Variants in PCDHGB2 observed in about 807,000 individuals in gnomAD.
PCDHGB2 encodes protocadherin gamma subfamily B, 2.
Under a neutral mutation model 59.3 loss-of-function variants are expected in PCDHGB2, and 55 were observed. The ratio of observed to expected loss-of-function variants is 0.93; its 90% CI spans 0.75 to 1.16. PCDHGB2 has a LOEUF of 1.16. Among genes scored for constraint, PCDHGB2 ranks in the 50% most tolerant of loss-of-function variants. The pLI is 0.00. For synonymous variants in PCDHGB2, 516 were observed against 512.0 expected (o/e 1.01, Z -0.11); for missense variants, 1,228 against 1,198.5 (o/e 1.02, Z -0.36).
intron 1 of PCDHGB2, among the ~76,000 whole-genome samples, chr5:141,425,133 A>T (rs1311425564): frequency 6.6e-6 from 1 of 152,200 alleles, no homozygotes; most frequent in Non-Finnish European, 1.5e-5. Flanking sequence ...GTCAAGAAAA[A>T]TGTTCAGGTA....
intron 1 of PCDHGB2, chr5:141,404,458 C>A: frequency 6.2e-7 from 1 of 1,612,914 alleles, no homozygotes; most frequent in East Asian, 2.2e-5. Context: ...CTCCTCTCTC[C>A]ACCTATGTCT....
chr5:141,414,550 G>C, intron 1 of PCDHGB2: 1 of 1,613,948 alleles, frequency 6.2e-7, no homozygotes, highest in Non-Finnish European at 8.5e-7. Context: ...CTTCTCTCAA[G>C]TCTCCTACTT....
chr5:141,365,580 A>G, intron 1 of PCDHGB2: 1 of 1,613,742 alleles, frequency 6.2e-7, no homozygotes, highest in South Asian at 1.1e-5. Flanking sequence ...GAGACTTCAG[A>G]TTATAATATC....
rs148558897 is a variant in PCDHGB2, at chr5:141,489,890, G to A, written c.2422-4917G>A. On this transcript the variant is annotated intron_variant, in intron 1 of 3. Coordinates refer to ENST00000522605, the MANE Select transcript of PCDHGB2 (RefSeq NM_018923.3). The surrounding 1 kb of genome is among the most constrained non-coding windows in gnomAD (Gnocchi z 4.5). Reference sequence around the variant, plus strand: ...CAGCTGGTGCTTACTGCTGTGGATGGGGGGACCCCAGCCCGCTCAGGGACC... The same window carrying A: ...CAGCTGGTGCTTACTGCTGTGGATGAGGGGACCCCAGCCCGCTCAGGGACC... 6.2e-7 allele frequency: 1 copy of A among 1,614,198 alleles called. No homozygotes were observed. The highest frequency in any genetic ancestry group is 8.5e-7 in the Non-Finnish European group (1 of 1,180,028).
chr5:141,389,488 A>G (rs1405287897), intron 1 of PCDHGB2: 2 of 1,612,912 alleles, frequency 1.2e-6, no homozygotes, highest in Non-Finnish European at 1.7e-6. Flanking sequence ...GCCCGCGACC[A>G]GGGCTCGCCA....
intron 1 of PCDHGB2, among the ~76,000 whole-genome samples, chr5:141,467,211 C>G (rs1288732759): frequency 6.6e-6 from 1 of 152,068 alleles, no homozygotes; most frequent in Non-Finnish European, 1.5e-5. Context: ...TGCCACCATG[C>G]CTGGCTAATT....
chr5:141,405,345 A>C (rs758657243), intron 1 of PCDHGB2: 2 of 1,613,944 alleles, frequency 1.2e-6, no homozygotes, highest in Middle Eastern at 1.6e-4. Context: ...GTTGATTCCA[A>C]GTTTCCTATA....
At chr5:141,418,828 C>G in intron 1 of PCDHGB2, 1 of 1,613,978 alleles carries the variant, frequency 6.2e-7, no homozygotes, top group Non-Finnish European at 8.5e-7. Flanking sequence ...AAGCAAAAGA[C>G]CGAGGATCTC....
At position 141,490,328 on chromosome 5, in the gene PCDHGB2, C is replaced by T; in HGVS notation, c.2422-4479C>T. 2 of 1,614,228 alleles carry T rather than the reference C, an allele frequency of 1.2e-6. No homozygotes were observed. Among genetic ancestry groups the T allele is most frequent in the Non-Finnish European group, 1.7e-6 (2 of 1,180,048 alleles). Reference sequence around the variant, plus strand: ...TTGGCCAACCCTGTCCTAGAGAGCACACCAGTGGGCACAGTAGTGGGGTTG... The same window carrying T: ...TTGGCCAACCCTGTCCTAGAGAGCATACCAGTGGGCACAGTAGTGGGGTTG... On this transcript the variant is annotated intron_variant, in intron 1 of 3. Coordinates refer to ENST00000522605, the MANE Select transcript of PCDHGB2 (RefSeq NM_018923.3). The surrounding 1 kb of genome is among the most constrained non-coding windows in gnomAD (Gnocchi z 5.4).
Position 141,431,953 on chromosome 5 carries a change from C to G in PCDHGB2, c.2422-62854C>G. 1.2e-6 allele frequency: 2 copies of G among 1,614,082 alleles called. No individual in the cohort carries two copies. Among genetic ancestry groups the G allele is most frequent in the East Asian group, 4.5e-5 (2 of 44,886 alleles). ...TGCCCTTTAAATTAGAAAAATCTTA[C>G]GGAAATTACTATAGTTTAGTCACAG... On this transcript the variant is annotated intron_variant, in intron 1 of 3. Transcript: ENST00000522605. The surrounding 1 kb of genome is among the most constrained non-coding windows in gnomAD (Gnocchi z 4.8).
chr5:141,385,518 A>G, intron 1 of PCDHGB2: 20 of 1,366,294 alleles, frequency 1.5e-5, no homozygotes, highest in East Asian at 5.4e-5. Context: ...GTGAAAGCCT[A>G]TGGACAAGAT....
chr5:141,394,208 C>T (rs972602841), intron 1 of PCDHGB2: 2 of 1,613,814 alleles, frequency 1.2e-6, no homozygotes, highest in African/African-American at 1.3e-5. Context: ...TAGAGAACAA[C>T]CTGAGAGGAG....
chr5:141,362,662 T>G, intron 1 of PCDHGB2, 106 bp downstream of exon 1: 39 of 1,290,572 alleles, frequency 3.0e-5, no homozygotes, highest in Non-Finnish European at 3.8e-5. Context: ...ATTTGGCCAA[T>G]GTTGTGCCTT....
At chr5:141,376,955 G>A (rs1473018804) in intron 1 of PCDHGB2, 1 of 163,724 alleles carries the variant, frequency 6.1e-6, no homozygotes, top group Admixed American at 5.9e-5. Flanking sequence ...CCAAAGTGCT[G>A]GGATTACAGG....
intron 1 of PCDHGB2, chr5:141,364,200 A>G: frequency 8.9e-7 from 1 of 1,126,004 alleles, no homozygotes; most frequent in Non-Finnish European, 1.2e-6. Flanking sequence ...CACACAGACC[A>G]GACAAGCTCC....
intron 1 of PCDHGB2, among the ~76,000 whole-genome samples, chr5:141,468,946 C>T (rs1437282358): frequency 7.0e-6 from 1 of 141,900 alleles, no homozygotes; most frequent in East Asian, 2.0e-4. Context: ...ATGGGGTAAA[C>T]CTGTGGTTTT....
intron 1 of PCDHGB2, chr5:141,410,798 T>C: frequency 1.4e-6 from 1 of 712,186 alleles, no homozygotes; most frequent in Non-Finnish European, 2.1e-6. Flanking sequence ...CATAAGTTGC[T>C]CTATCTTTTT....
intron 1 of PCDHGB2, chr5:141,427,734 C>A (rs2097062807): frequency 1.7e-6 from 2 of 1,207,418 alleles, no homozygotes; most frequent in Non-Finnish European, 2.4e-6. Flanking sequence ...GCTGAATGGC[C>A]AAGTCTCCTA....
intron 1 of PCDHGB2, chr5:141,399,883 A>C: frequency 6.2e-7 from 1 of 1,612,718 alleles, no homozygotes; most frequent in South Asian, 1.1e-5. Flanking sequence ...CCTGGTGACC[A>C]AGGTAGTGGC....
Sources: gnomAD v4.1 joint callset for allele counts (sites outside exome capture counted in the v4.1 genomes callset) on GRCh38, gnomAD v4.1.1 for gene constraint, Gnocchi (gnomAD v3.1) non-coding constraint, MANE v1.5 for transcripts, NCBI Gene and HGNC (gene_info 2026-07-23, HGNC 2026-07-21) for gene names.